The following HSH2D variants were observed in gnomAD, a reference collection of about 807,000 sequenced individuals.
HSH2D encodes hematopoietic SH2 domain containing.
HSH2D carries 16 observed loss-of-function variants against 21.5 expected under a neutral mutation model. The ratio of observed to expected loss-of-function variants is 0.74; its 90% confidence interval spans 0.50 to 1.13. HSH2D has a LOEUF of 1.13. HSH2D is among the 50% of genes most tolerant of loss of function. The pLI is 0.00. For synonymous variants in HSH2D, 172 were observed against 184.7 expected (o/e 0.93, Z 0.56); for missense variants, 418 against 441.4 (o/e 0.95, Z 0.47).
At chr19:16,135,229 G>A (rs920514094) in intron 1 of HSH2D, among the ~76,000 whole-genome samples, 1 of 151,922 alleles carries the variant, frequency 6.6e-6, no homozygotes, top group Non-Finnish European at 1.5e-5. Context: ...CCGAGATTGC[G>A]CCACTGCACT....
At chr19:16,137,074 C>G (rs2090968902) in intron 1 of HSH2D, among the ~76,000 whole-genome samples, 1 of 152,134 alleles carries the variant, frequency 6.6e-6, no homozygotes, top group Admixed American at 6.6e-5. Context: ...TGACAAATCT[C>G]GGGTATCTAC....
chr19:16,148,704 T>A lies in HSH2D; in HGVS notation c.-27-20T>A. On this transcript the variant is annotated intron_variant, in intron 1 of 5. Coordinates refer to ENST00000613986, the MANE Select transcript of HSH2D (RefSeq NM_001382417.1). ...GGTGCATCAAGCTTGATTCTTGTCT[T>A]CCCTCCCTTCTCTACCCAGGTGACC... 1.2e-6 allele frequency: 2 copies of A among 1,612,388 alleles called. No individual in the cohort carries two copies. Among genetic ancestry groups the A allele is most frequent in the Non-Finnish European group, 1.7e-6 (2 of 1,178,850 alleles).
chr19:16,154,535 G>A (rs1201347158), intron 5 of HSH2D, 44 bp downstream of exon 5: 1 of 1,281,838 alleles, frequency 7.8e-7, no homozygotes. Context: ...CTGGCTGAGG[G>A]GCAGGAGTGG....
At chr19:16,142,614 T>C (rs1205577299), upstream of HSH2D, among the ~76,000 whole-genome samples, 2 of 151,128 alleles carry the variant, frequency 1.3e-5, no homozygotes, top group African/African-American at 2.4e-5. Flanking sequence ...CAGGCATGTG[T>C]CACCACGCCG....
At chr19:16,135,008 T>C (rs929818896) in intron 1 of HSH2D, among the ~76,000 whole-genome samples, 1 of 150,896 alleles carries the variant, frequency 6.6e-6, no homozygotes, top group Non-Finnish European at 1.5e-5. Context: ...CAGTGGCGCA[T>C]GCCTCATCCC....
intron 1 of HSH2D, among the ~76,000 whole-genome samples, chr19:16,145,882 C>A (rs1269872377): frequency 2.0e-5 from 3 of 151,644 alleles, no homozygotes; most frequent in Admixed American, 1.3e-4. Context: ...TGGAGACCAG[C>A]CTGGCCAACA....
upstream of HSH2D, among the ~76,000 whole-genome samples, chr19:16,141,302 A>AC (rs949406082): frequency 6.6e-6 from 1 of 152,178 alleles, no homozygotes; most frequent in African/African-American, 2.4e-5. Flanking sequence ...TGAGAGAGGC[A>AC]CCCAGGGTGA....
intron 5 of HSH2D, 22 bp downstream of exon 5, chr19:16,154,513 GGCACCT>G: frequency 6.7e-7 from 1 of 1,488,746 alleles, no homozygotes; most frequent in Non-Finnish European, 9.2e-7. Flanking sequence ...ACAGGAGGCT[GGCACCT>G]CCCACCTGGC....
At position 16,149,449 on chromosome 19, in the gene HSH2D, C is replaced by T. The variant is rs373414248; in HGVS notation, c.125+574C>T. Among the ~76,000 whole-genome samples, 411 of 151,458 alleles carry T rather than the reference C, an allele frequency of 2.7e-3. 5 individuals are homozygous for T. Among genetic ancestry groups the T allele is most frequent in the African/African-American group, 9.6e-3 (395 of 41,268 alleles). ...AACTCCTGGCCTCAAGTGATTCACC[C>T]GCCTCGGCCTCCCGAAGTGCTGGGA... On this transcript the variant is annotated intron_variant, in intron 2 of 5. Transcript: ENST00000613986.
At chr19:16,140,669 G>A (rs1447836817), upstream of HSH2D, among the ~76,000 whole-genome samples, 1 of 151,854 alleles carries the variant, frequency 6.6e-6, no homozygotes, top group African/African-American at 2.4e-5. Flanking sequence ...AGGCTGAGGC[G>A]GGAGGATCAC....
chr19:16,142,961 G>A (rs936596609), upstream of HSH2D, among the ~76,000 whole-genome samples: 1 of 146,786 alleles, frequency 6.8e-6, no homozygotes, highest in Non-Finnish European at 1.5e-5. Context: ...TAGAGACAGG[G>A]TTTTACCATG....
chr19:16,139,447 T>A (rs1216309034), upstream of HSH2D, among the ~76,000 whole-genome samples: 2 of 151,964 alleles, frequency 1.3e-5, no homozygotes, highest in African/African-American at 4.8e-5. Context: ...CCGGGCATGG[T>A]GGTGTGAGCT....
upstream of HSH2D, among the ~76,000 whole-genome samples, chr19:16,138,890 A>G (rs1490857116): frequency 7.0e-6 from 1 of 143,872 alleles, no homozygotes; most frequent in Admixed American, 7.0e-5. Flanking sequence ...ACACAGTCTC[A>G]CTCTGTGACC....
chr19:16,137,513 G>T (rs1006795123), intron 1 of HSH2D, among the ~76,000 whole-genome samples: 1 of 150,834 alleles, frequency 6.6e-6, no homozygotes, highest in South Asian at 2.1e-4. Flanking sequence ...GGAGGCGGAG[G>T]TTGCAATGAA....
intron 1 of HSH2D, among the ~76,000 whole-genome samples, chr19:16,143,989 T>G (rs2091029035): frequency 6.6e-6 from 1 of 151,818 alleles, no homozygotes; most frequent in Non-Finnish European, 1.5e-5. Flanking sequence ...GACAACAGCA[T>G]GAGCAAAGGT....
chr19:16,147,977 G>C (rs1164951833), intron 1 of HSH2D, among the ~76,000 whole-genome samples: 1 of 151,506 alleles, frequency 6.6e-6, no homozygotes, highest in Non-Finnish European at 1.5e-5. Flanking sequence ...TGTTGTTTTT[G>C]AAACATGGTC....
chr19:16,139,508 G>C (rs2090985285), upstream of HSH2D, among the ~76,000 whole-genome samples: 1 of 152,130 alleles, frequency 6.6e-6, no homozygotes, highest in Non-Finnish European at 1.5e-5. Flanking sequence ...CTTGAGCCCG[G>C]GAGTTTGAGG....
At chr19:16,154,759 C>T (rs1339916087) in intron 5 of HSH2D, 14 of 308,686 alleles carry the variant, frequency 4.5e-5, no homozygotes, top group Non-Finnish European at 6.9e-5. Context: ...GGGGTCTCTG[C>T]GTGTGCCGGC....
At chr19:16,150,785 G>A (rs561515891) in intron 2 of HSH2D, among the ~76,000 whole-genome samples, 1 of 152,178 alleles carries the variant, frequency 6.6e-6, no homozygotes, top group East Asian at 1.9e-4. Flanking sequence ...TTGAGCCCAG[G>A]AATTCAAGGT....
Sources: allele counts gnomAD v4.1 joint callset (sites outside exome capture counted in the v4.1 genomes callset), GRCh38; gene constraint gnomAD v4.1.1; transcripts MANE v1.5; gene names NCBI Gene and HGNC (gene_info 2026-07-23, HGNC 2026-07-21).